LUZP2: variants seen among roughly 807,000 people sequenced by gnomAD.
LUZP2 encodes leucine zipper protein 2.
LUZP2 carries 52 observed loss-of-function variants against 51.6 expected under a neutral mutation model. The observed-to-expected ratio is 1.01, with a 90% CI of 0.81 to 1.27. The LOEUF (loss-of-function observed/expected upper bound fraction) is 1.27, where lower values mean the gene tolerates loss of function less well. Among genes scored for constraint, LUZP2 ranks in the 50% most tolerant of loss-of-function variants. The pLI is 0.00. For missense variants in LUZP2, 436 were observed against 395.4 expected, an observed-to-expected ratio of 1.10 and a Z score of -0.87; for synonymous variants, 154 against 137.3, an observed-to-expected ratio of 1.12 and a Z score of -0.85.
At chr11:25,061,571 A>G (rs748729365) in intron 10 of LUZP2, among the ~76,000 whole-genome samples, 2 of 152,148 alleles carry the variant, frequency 1.3e-5, no homozygotes, top group East Asian at 1.9e-4. Context: ...ATTAATTTGC[A>G]TATTTTATTA....
At chr11:24,958,969 A>G (rs1412787472) in intron 7 of LUZP2, among the ~76,000 whole-genome samples, 2 of 152,210 alleles carry the variant, frequency 1.3e-5, no homozygotes, top group African/African-American at 4.8e-5. Context: ...AGCTTTCTAC[A>G]TATGGCTAGC....
intron 1 of LUZP2, among the ~76,000 whole-genome samples, chr11:24,638,017 A>C (rs1855162273): frequency 6.6e-6 from 1 of 151,794 alleles, no homozygotes; most frequent in Non-Finnish European, 1.5e-5. Context: ...CCAGCTATAA[A>C]ATTTCTCTCT....
At chr11:24,862,752 AAGGAACCATAAAGT>A (rs1851777050) in intron 5 of LUZP2, among the ~76,000 whole-genome samples, 1 of 152,238 alleles carries the variant, frequency 6.6e-6, no homozygotes, top group Non-Finnish European at 1.5e-5. Context: ...TTTATCTTTA[AAGGAACCATAAAGT>A]AGGAAGACAA....
intron 1 of LUZP2, among the ~76,000 whole-genome samples, chr11:24,696,379 T>A (rs1857247490): frequency 6.6e-6 from 1 of 152,158 alleles, no homozygotes; most frequent in African/African-American, 2.4e-5. Flanking sequence ...TTTTTCTCCT[T>A]TATAGCTTAT....
intron 5 of LUZP2, among the ~76,000 whole-genome samples, chr11:24,845,043 G>A (rs533240614): frequency 6.6e-5 from 10 of 152,266 alleles, no homozygotes; most frequent in African/African-American, 1.7e-4. Context: ...GGAGCTGTGA[G>A]AGGAGGGCCA....
At chr11:24,786,326 A>G in intron 5 of LUZP2, 6 of 981,992 alleles carry the variant, frequency 6.1e-6, no homozygotes, top group Non-Finnish European at 7.3e-6. Context: ...ACGGGAAAAA[A>G]GTAGTCAGAA....
chr11:24,858,004 T>C (rs377757567), intron 5 of LUZP2, among the ~76,000 whole-genome samples: 2 of 152,030 alleles, frequency 1.3e-5, no homozygotes, highest in Non-Finnish European at 2.9e-5. Context: ...GTTTCTTTCT[T>C]TTTTTTATTT....
chr11:24,814,602 A>G (rs1850117211), intron 5 of LUZP2, among the ~76,000 whole-genome samples: 1 of 152,222 alleles, frequency 6.6e-6, no homozygotes, highest in African/African-American at 2.4e-5. Flanking sequence ...CGACCCACAC[A>G]GCTAAAGTTC....
intron 1 of LUZP2, among the ~76,000 whole-genome samples, chr11:24,642,972 T>C (rs1167095017): frequency 6.6e-6 from 1 of 152,024 alleles, no homozygotes; most frequent in East Asian, 1.9e-4. Flanking sequence ...AGAGAGAGCC[T>C]CTTTGAGAAA....
intron 7 of LUZP2, among the ~76,000 whole-genome samples, chr11:24,918,810 G>GAT (rs1266986458): frequency 1.4e-5 from 2 of 140,140 alleles, no homozygotes; most frequent in Non-Finnish European, 3.1e-5. Context: ...CCTGGTCATT[G>GAT]ATATATATAC....
In LUZP2 at chr11:24,926,188, T is replaced by C. The variant is rs1263178887; in HGVS notation, c.522+11650T>C. Reference sequence around the variant, plus strand: ...GTGCATAAAGGCAATGTTATATATATGTGTATATATATATGTGTGTATATA... The same window carrying C: ...GTGCATAAAGGCAATGTTATATATACGTGTATATATATATGTGTGTATATA... On this transcript the variant is annotated intron_variant, in intron 7 of 11. Transcript: ENST00000336930. 3.3e-5 allele frequency among the ~76,000 whole-genome samples: 5 copies of C among 149,568 alleles called. No individual in the cohort carries two copies. In the South Asian group the frequency reaches 8.4e-4, roughly 25 times the overall value.
chr11:24,540,510 C>T (rs1254875655), intron 1 of LUZP2, among the ~76,000 whole-genome samples: 3 of 152,218 alleles, frequency 2.0e-5, no homozygotes, highest in South Asian at 2.1e-4. Context: ...CCAGAAAGTG[C>T]CCTCTCACCT....
chr11:24,633,628 TTAAAA>T (rs1245901346), intron 1 of LUZP2, among the ~76,000 whole-genome samples: 2 of 152,016 alleles, frequency 1.3e-5, no homozygotes, highest in South Asian at 2.1e-4. Flanking sequence ...TAAAATATGT[TTAAAA>T]TAATCACAAT....
intron 1 of LUZP2, among the ~76,000 whole-genome samples, chr11:24,662,086 C>T (rs1412125521): frequency 6.6e-6 from 1 of 151,134 alleles, no homozygotes; most frequent in Non-Finnish European, 1.5e-5. Context: ...AGCAGAAAAC[C>T]AACCATCACC....
rs562335788 is a variant in LUZP2, at chr11:24,815,795, TC to T, written c.396+52490del. ...GTCATTAAAGTAGCTTGTCAAAATG[TC>T]CCTTATAAAAGAGAGTACTGATCTC... On this transcript the variant is annotated intron_variant, in intron 5 of 11. Coordinates refer to ENST00000336930, the MANE Select transcript of LUZP2 (RefSeq NM_001009909.4). 1.3e-3 allele frequency among the ~76,000 whole-genome samples: 191 copies of T among 152,190 alleles called. 2 individuals are homozygous for T. Among genetic ancestry groups the T allele is most frequent in the African/African-American group, 4.4e-3 (184 of 41,528 alleles).
chr11:24,762,070 G>A (rs541903920), intron 4 of LUZP2, among the ~76,000 whole-genome samples: 3 of 125,266 alleles, frequency 2.4e-5, no homozygotes, highest in African/African-American at 9.2e-5. Flanking sequence ...TTAATGTGTA[G>A]GGTTAGCCCA....
At chr11:25,049,989 C>T (rs1858440914) in intron 9 of LUZP2, 49 bp from the exon 10 acceptor site, 1 of 1,083,720 alleles carries the variant, frequency 9.2e-7, no homozygotes, top group Admixed American at 2.4e-5. Flanking sequence ...AACTATTTCT[C>T]TTGTATTTAG....
chr11:24,676,515 G>A (rs942140980), intron 1 of LUZP2, among the ~76,000 whole-genome samples: 4 of 152,046 alleles, frequency 2.6e-5, no homozygotes, highest in Non-Finnish European at 4.4e-5. Flanking sequence ...TGAGAAAAGT[G>A]AGAAAAAAGT....
intron 7 of LUZP2, among the ~76,000 whole-genome samples, chr11:24,964,373 T>C (rs1462569959): frequency 6.6e-6 from 1 of 152,180 alleles, no homozygotes; most frequent in Non-Finnish European, 1.5e-5. Flanking sequence ...ACAGGATGTA[T>C]GTGGGATAAC....
Sources: gnomAD v4.1 joint callset for allele counts (sites outside exome capture counted in the v4.1 genomes callset) on GRCh38, gnomAD v4.1.1 for gene constraint, MANE v1.5 for transcripts, NCBI Gene and HGNC (gene_info 2026-07-23, HGNC 2026-07-21) for gene names.